The following LAMA2 variants were observed in gnomAD, a reference collection of about 807,000 sequenced individuals.
The protein encoded by LAMA2 is laminin subunit alpha 2.
LAMA2 carries 269 observed loss-of-function variants against 364.8 expected under a neutral mutation model. The ratio of observed to expected loss-of-function variants is 0.74; its 90% CI spans 0.67 to 0.82. The LOEUF is 0.82. Among genes scored for constraint, LAMA2 ranks in the 40% least tolerant of loss-of-function variants. The pLI, the probability that LAMA2 is intolerant of heterozygous loss-of-function variation, is 0.00. For missense variants in LAMA2, 3,807 were observed against 3,873.2 expected (o/e 0.98, Z 0.45); for synonymous variants, 1,379 against 1,370.6 (o/e 1.01, Z -0.14).
At chr6:129,365,441 C>T (rs1222461470) in intron 32 of LAMA2, among the ~76,000 whole-genome samples, 1 of 152,176 alleles carries the variant, frequency 6.6e-6, no homozygotes, top group Non-Finnish European at 1.5e-5. Context: ...TGGCTCACTG[C>T]AACCTCCGCC....
intron 49 of LAMA2, among the ~76,000 whole-genome samples, chr6:129,463,424 T>C (rs1362864701): frequency 6.6e-6 from 1 of 151,980 alleles, no homozygotes; most frequent in Non-Finnish European, 1.5e-5. Context: ...TGTTTTCTAA[T>C]GAATTAAATG....
intron 53 of LAMA2, among the ~76,000 whole-genome samples, chr6:129,476,355 A>C (rs1014661163): frequency 2.6e-5 from 4 of 152,244 alleles, no homozygotes; most frequent in Non-Finnish European, 4.4e-5. Context: ...TAAGACCACT[A>C]GTTGTGCTAC....
intron 1 of LAMA2, among the ~76,000 whole-genome samples, chr6:128,963,516 A>G (rs760829897): frequency 6.3e-5 from 9 of 142,910 alleles, no homozygotes; most frequent in Non-Finnish European, 8.9e-5. Context: ...TTCACTGAGT[A>G]TTTTCCACAG....
chr6:129,245,577 G>A (rs1785696743), intron 12 of LAMA2, among the ~76,000 whole-genome samples: 1 of 152,144 alleles, frequency 6.6e-6, no homozygotes, highest in Non-Finnish European at 1.5e-5. Flanking sequence ...GTTATTTGCA[G>A]TACGTATAAC....
chr6:129,196,106 G>A (rs75398314), intron 12 of LAMA2, among the ~76,000 whole-genome samples: 1,543 of 152,230 alleles, frequency 0.01, 18 homozygotes, highest in Admixed American at 0.019. Flanking sequence ...ATTTTCTACA[G>A]CATTATGCTA....
chr6:129,263,608 A>G (rs1405323639), intron 15 of LAMA2, among the ~76,000 whole-genome samples: 2 of 151,924 alleles, frequency 1.3e-5, no homozygotes, highest in African/African-American at 4.8e-5. Context: ...AGTGATTGGA[A>G]AAGCAAGGCC....
At chr6:129,181,849 G>A (rs1328115325) in intron 10 of LAMA2, among the ~76,000 whole-genome samples, 1 of 151,794 alleles carries the variant, frequency 6.6e-6, no homozygotes, top group African/African-American at 2.4e-5. Flanking sequence ...GTTTGAGGAT[G>A]ATAAAAAATA....
chr6:129,252,963 T>A (rs749785734), intron 14 of LAMA2, among the ~76,000 whole-genome samples: 5 of 152,236 alleles, frequency 3.3e-5, no homozygotes. Context: ...AGGGTCTTTG[T>A]TAACATGATA....
At chr6:129,013,369 G>A (rs371784677) in intron 1 of LAMA2, among the ~76,000 whole-genome samples, 4 of 152,090 alleles carry the variant, frequency 2.6e-5, no homozygotes, top group Non-Finnish European at 5.9e-5. Flanking sequence ...CCCGGGAGGC[G>A]GAGCCTGCAG....
rs187557683 is a variant in LAMA2, at chr6:129,513,808, T to C, written c.8989-565T>C. Among the ~76,000 whole-genome samples, 136 of 152,302 alleles carry C rather than the reference T, an allele frequency of 8.9e-4. 1 individual carries two copies. The highest frequency in any genetic ancestry group is 3.2e-3 in the African/African-American group (134 of 41,572). On this transcript the variant is annotated intron_variant, in intron 63 of 64. Coordinates refer to ENST00000421865, the MANE Select transcript of LAMA2 (RefSeq NM_000426.4). ...AATTTAACTGGCCTTCTGGCTCAGG[T>C]CTTTGGCACCTGTGACATGAAACGG...
chr6:128,936,210 C>T (rs1779801514), intron 1 of LAMA2, among the ~76,000 whole-genome samples: 1 of 152,148 alleles, frequency 6.6e-6, no homozygotes. Flanking sequence ...TCGGGCAGTT[C>T]TTTATAGCCT....
intron 9 of LAMA2, among the ~76,000 whole-genome samples, chr6:129,166,503 A>G (rs1014996588): frequency 6.6e-6 from 1 of 152,214 alleles, no homozygotes; most frequent in Non-Finnish European, 1.5e-5. Flanking sequence ...AGGATTATCA[A>G]TCTGAGCATT....
At chr6:129,478,039 C>T (rs895164138) in intron 53 of LAMA2, among the ~76,000 whole-genome samples, 6 of 152,138 alleles carry the variant, frequency 3.9e-5, no homozygotes, top group African/African-American at 4.8e-5. Context: ...AGCGATCCTC[C>T]CTCTTCGGCC....
At chr6:129,193,015 C>T (rs1267695258) in intron 12 of LAMA2, among the ~76,000 whole-genome samples, 162 bp downstream of exon 12, 1 of 152,166 alleles carries the variant, frequency 6.6e-6, no homozygotes, top group East Asian at 1.9e-4. Context: ...TTCCATGTTG[C>T]ACAAGACCTT....
At chr6:128,885,571 A>G (rs748926827) in intron 1 of LAMA2, among the ~76,000 whole-genome samples, 20 of 152,142 alleles carry the variant, frequency 1.3e-4, no homozygotes, top group Non-Finnish European at 2.6e-4. Context: ...ACGGGATATG[A>G]GTTTGACTGG....
chr6:129,271,498 CTCGCTCTG>C (rs1787935179), intron 17 of LAMA2, among the ~76,000 whole-genome samples: 1 of 121,854 alleles, frequency 8.2e-6, no homozygotes, highest in Non-Finnish European at 1.6e-5. Flanking sequence ...GAGACAGAGT[CTCGCTCTG>C]TTGCCCAGGC....
intron 1 of LAMA2, among the ~76,000 whole-genome samples, chr6:128,943,623 G>C (rs1447602240): frequency 3.9e-5 from 6 of 152,082 alleles, no homozygotes; most frequent in Non-Finnish European, 8.8e-5. Flanking sequence ...AATGACCTAG[G>C]AACAATGAGA....
intron 3 of LAMA2, among the ~76,000 whole-genome samples, chr6:129,075,887 G>A (rs1464475161): frequency 7.9e-5 from 12 of 151,942 alleles, no homozygotes; most frequent in Admixed American, 7.9e-4. Flanking sequence ...CCAGGTATTC[G>A]AGACCAGCAA....
intron 38 of LAMA2, 96 bp from the exon 39 acceptor site, chr6:129,402,228 C>T: frequency 6.3e-6 from 3 of 476,514 alleles, no homozygotes; most frequent in African/African-American, 2.3e-5. Flanking sequence ...AAAAAAAAAA[C>T]TAAACTAAAC....
Sources: gnomAD v4.1 joint callset for allele counts (sites outside exome capture counted in the v4.1 genomes callset) on GRCh38, gnomAD v4.1.1 for gene constraint, MANE v1.5 for transcripts, NCBI Gene and HGNC (gene_info 2026-07-23, HGNC 2026-07-21) for gene names.